The following CEP128 variants were observed in gnomAD, a reference collection of about 807,000 sequenced individuals.
CEP128 encodes the protein centrosomal protein 128kDa.
CEP128 carries 132 observed loss-of-function variants against 156.7 expected under a neutral mutation model. That is an observed-to-expected ratio of 0.84 (90% CI 0.73 to 0.97). The LOEUF is 0.97. Ranked by LOEUF, CEP128 falls within the 50% of genes least tolerant of loss-of-function variation. CEP128 has a pLI of 0.00. For missense variants in CEP128, 1,252 were observed against 1,281.9 expected (o/e 0.98, Z 0.36); for synonymous variants, 469 against 448.9 (o/e 1.04, Z -0.57).
intron 18 of CEP128, among the ~76,000 whole-genome samples, chr14:80,747,314 CA>C (rs904945592): frequency 6.6e-6 from 1 of 152,010 alleles, no homozygotes; most frequent in Non-Finnish European, 1.5e-5. Flanking sequence ...TAATAACAGC[CA>C]AAAAACTGAA....
chr14:80,646,994 A>AAT (rs372341494), intron 19 of CEP128, among the ~76,000 whole-genome samples: 7,580 of 76,312 alleles, frequency 0.099, 840 homozygotes, highest in Middle Eastern at 0.16. Flanking sequence ...ATTTATAAGA[A>AAT]ATATATATAT....
At chr14:80,590,227 T>A (rs1294201419) in intron 19 of CEP128, among the ~76,000 whole-genome samples, 1 of 152,122 alleles carries the variant, frequency 6.6e-6, no homozygotes, top group Admixed American at 6.6e-5. Flanking sequence ...CAAATTTTCA[T>A]AAGAGACGTA....
At chr14:80,583,782 G>T (rs1185202731) in intron 19 of CEP128, among the ~76,000 whole-genome samples, 1 of 152,122 alleles carries the variant, frequency 6.6e-6, no homozygotes, top group Non-Finnish European at 1.5e-5. Flanking sequence ...ATTAGCTTTT[G>T]TTGGATTACT....
chr14:80,530,419 G>A (rs1432403123), intron 22 of CEP128, among the ~76,000 whole-genome samples: 1 of 152,090 alleles, frequency 6.6e-6, no homozygotes, highest in Non-Finnish European at 1.5e-5. Flanking sequence ...AAGATAACTT[G>A]GGAACTACCA....
At chr14:80,784,000 T>C (rs1566622942) in intron 15 of CEP128, among the ~76,000 whole-genome samples, 1 of 152,198 alleles carries the variant, frequency 6.6e-6, no homozygotes, top group Non-Finnish European at 1.5e-5. Flanking sequence ...ATGTCAACTA[T>C]TTCAATATCA....
chr14:80,480,558 C>A (rs144099646), intron 14 of CEP128, among the ~76,000 whole-genome samples: 1,839 of 152,206 alleles, frequency 0.012, 40 homozygotes, highest in African/African-American at 0.041. Flanking sequence ...CCTGGGCCTG[C>A]AGGCCTGTGA....
chr14:80,732,361 T>C (rs1284724522), intron 19 of CEP128, among the ~76,000 whole-genome samples: 2 of 152,056 alleles, frequency 1.3e-5, no homozygotes, highest in African/African-American at 4.8e-5. Context: ...TGTAACAAAA[T>C]TGAACTTTAT....
intron 17 of CEP128, 52 bp downstream of exon 17, chr14:80,761,385 T>G: frequency 7.7e-7 from 1 of 1,293,038 alleles, no homozygotes; most frequent in Non-Finnish European, 1.1e-6. Flanking sequence ...ATTACAATTA[T>G]ATATTAGGAA....
At chr14:80,480,976 T>C (rs570083368) in intron 14 of CEP128, among the ~76,000 whole-genome samples, 9 of 152,218 alleles carry the variant, frequency 5.9e-5, no homozygotes, top group Non-Finnish European at 1.3e-4. Flanking sequence ...AACATGTCTC[T>C]AGGAAGTTCT....
intron 7 of CEP128, among the ~76,000 whole-genome samples, chr14:80,899,618 G>A (rs536121110): frequency 1.3e-5 from 2 of 152,268 alleles, no homozygotes; most frequent in Admixed American, 6.5e-5. Context: ...GTCAGGTAGC[G>A]AGTCGGTCTT....
intron 19 of CEP128, among the ~76,000 whole-genome samples, chr14:80,591,999 A>G (rs1191305526): frequency 6.6e-6 from 1 of 152,074 alleles, no homozygotes; most frequent in Non-Finnish European, 1.5e-5. Flanking sequence ...TGGGACACAG[A>G]TAAGCAGTGT....
chr14:80,512,083 G>A (rs769459881), intron 23 of CEP128, among the ~76,000 whole-genome samples: 14 of 151,954 alleles, frequency 9.2e-5, no homozygotes, highest in Non-Finnish European at 1.5e-4. Flanking sequence ...TATCTATTAG[G>A]TTCATCTGGT....
intron 2 of CEP128, chr14:80,955,295 A>C: frequency 2.8e-6 from 1 of 354,036 alleles, no homozygotes; most frequent in South Asian, 2.6e-5. Flanking sequence ...AGAGGAGGAA[A>C]GGAGGGGGCA....
chr14:80,699,840 C>A (rs188179852), intron 19 of CEP128, among the ~76,000 whole-genome samples: 19 of 152,248 alleles, frequency 1.2e-4, no homozygotes, highest in Non-Finnish European at 2.2e-4. Context: ...AAATCTAACT[C>A]TACTTGAAGG....
chr14:80,911,049 A>C (rs1884179598), intron 4 of CEP128, among the ~76,000 whole-genome samples: 1 of 152,142 alleles, frequency 6.6e-6, no homozygotes, highest in Non-Finnish European at 1.5e-5. Flanking sequence ...ATTTGGAAAA[A>C]CTCTGATTAG....
chr14:80,920,789 G>T (rs1048318957), intron 2 of CEP128, among the ~76,000 whole-genome samples: 1 of 152,162 alleles, frequency 6.6e-6, no homozygotes, highest in Admixed American at 6.5e-5. Flanking sequence ...TATGGTTAGC[G>T]AGGTTGTAGG....
chr14:80,479,595 C>A (rs563270157), intron 14 of CEP128, among the ~76,000 whole-genome samples: 1 of 152,174 alleles, frequency 6.6e-6, no homozygotes, highest in African/African-American at 2.4e-5. Flanking sequence ...CCTCCCACAA[C>A]ATGTGGGAAT....
At chr14:80,774,996 G>A (rs8019256) in intron 16 of CEP128, among the ~76,000 whole-genome samples, 108 of 152,216 alleles carry the variant, frequency 7.1e-4, no homozygotes, top group African/African-American at 2.2e-3. Flanking sequence ...TAGGCTGACC[G>A]TAGGCAGTCA....
At chr14:80,829,873 A>G (rs1818706095) in intron 13 of CEP128, among the ~76,000 whole-genome samples, 1 of 152,210 alleles carries the variant, frequency 6.6e-6, no homozygotes, top group Non-Finnish European at 1.5e-5. Flanking sequence ...GCTATTACAA[A>G]TAATTTTTTT....
Sources: gnomAD v4.1 joint callset for allele counts (sites outside exome capture counted in the v4.1 genomes callset) on GRCh38, gnomAD v4.1.1 for gene constraint, MANE v1.5 for transcripts, NCBI Gene and HGNC (gene_info 2026-07-23, HGNC 2026-07-21) for gene names.